The following NECAB3 variants were observed in gnomAD, a reference collection of about 807,000 sequenced individuals.
The protein encoded by NECAB3 is N-terminal EF-hand calcium binding protein 3.
A neutral mutation model predicts 57.2 loss-of-function variants in NECAB3; 38 were observed. The ratio of observed to expected loss-of-function variants is 0.66; its 90% CI spans 0.51 to 0.87. NECAB3 has a LOEUF of 0.87. Among genes scored for constraint, NECAB3 ranks in the 40% least tolerant of loss-of-function variants. NECAB3 has a pLI of 0.00. For missense variants in NECAB3, 474 were observed against 527.5 expected (o/e 0.90, Z 0.99); for synonymous variants, 223 against 222.6 (o/e 1.00, Z -0.02).
At chr20:33,667,465 C>T in intron 5 of NECAB3, 1 of 1,435,876 alleles carries the variant, frequency 7.0e-7, no homozygotes, top group Non-Finnish European at 9.1e-7. Flanking sequence ...GGCGGAGCTG[C>T]TGTTCGAGAC....
intron 1 of NECAB3, among the ~76,000 whole-genome samples, chr20:33,673,050 TAC>T (rs956352731): frequency 2.0e-5 from 3 of 151,774 alleles, no homozygotes; most frequent in Non-Finnish European, 2.9e-5. Flanking sequence ...GGCGTGTGTG[TAC>T]ACACACACGT....
At chr20:33,667,637 T>C in intron 5 of NECAB3, 1 of 1,606,630 alleles carries the variant, frequency 6.2e-7, no homozygotes, top group Non-Finnish European at 8.5e-7. Flanking sequence ...CGACTGAACG[T>C]GGCAGGCAGC....
At chr20:33,671,712 G>C (rs1419895022) in intron 2 of NECAB3, among the ~76,000 whole-genome samples, 1 of 152,152 alleles carries the variant, frequency 6.6e-6, no homozygotes, top group Non-Finnish European at 1.5e-5. Flanking sequence ...TAGGGCTCCT[G>C]CTTTAGCTTC....
intron 5 of NECAB3, chr20:33,663,578 CCAACGCTGGG>C (rs1409641579): frequency 7.4e-6 from 12 of 1,611,278 alleles, no homozygotes; most frequent in East Asian, 4.5e-5. Context: ...CAGCCGCTGG[CCAACGCTGGG>C]CAACGGATTG....
At position 33,666,363 on chromosome 20, in the gene NECAB3, C is replaced by T. The variant is rs1457464588; in HGVS notation, c.387+3012G>A. On this transcript the variant is annotated intron_variant, in intron 5 of 11. Coordinates refer to ENST00000246190, the MANE Select transcript of NECAB3 (RefSeq NM_031232.4). ...CCAAAATCACTGCCCTTGGCTCTGT[C>T]CAGAAGAGAGGATGGGTCCAGGGAG... 4 of 152,454 alleles carry T rather than the reference C, an allele frequency of 2.6e-5. No individual in the cohort carries two copies. The East Asian group carries it at 7.7e-4, about 29-fold the overall frequency. 9.4% of individuals were successfully genotyped at this position (152,454 alleles called of 1,614,324 possible).
At chr20:33,663,612 CGCTGGGCTGGGCTCCCCG>C (rs975899211) in intron 5 of NECAB3, 4 of 1,610,578 alleles carry the variant, frequency 2.5e-6, no homozygotes, top group Non-Finnish European at 3.4e-6. Flanking sequence ...ACGCGTCCGG[CGCTGGGCTGGGCTCCCCG>C]GCGGCACCCA....
intron 1 of NECAB3, 40 bp downstream of exon 1, chr20:33,674,184 G>T (rs1325470670): frequency 8.0e-7 from 1 of 1,250,844 alleles, no homozygotes. Flanking sequence ...ACAGAGACTC[G>T]GGTAGGGAGA....
At position 33,670,666 on chromosome 20, in the gene NECAB3, G is replaced by A; in HGVS notation, c.263+18C>T. On this transcript the variant is annotated intron_variant, in intron 3 of 11. Coordinates refer to ENST00000246190, the MANE Select transcript of NECAB3 (RefSeq NM_031232.4). Reference sequence around the variant, plus strand: ...CAACCTGGCCTCGCATCTACCCACGGCCCCCTCTCATACTCACTCGGTGAG... The same window carrying A: ...CAACCTGGCCTCGCATCTACCCACGACCCCCTCTCATACTCACTCGGTGAG... The A allele has an allele frequency of 6.3e-7, 1 of 1,576,226 alleles. No homozygotes were observed. The highest frequency in any genetic ancestry group is 8.7e-7 in the Non-Finnish European group (1 of 1,149,768).
At chr20:33,666,063 G>C (rs930476164) in intron 5 of NECAB3, among the ~76,000 whole-genome samples, 6 of 152,164 alleles carry the variant, frequency 3.9e-5, no homozygotes, top group African/African-American at 9.7e-5. Context: ...CAGCCTGGGT[G>C]ACCGAGACTC....
At chr20:33,663,471 C>T (rs1312589732) in intron 5 of NECAB3, 9 of 1,537,168 alleles carry the variant, frequency 5.9e-6, no homozygotes, top group Admixed American at 3.7e-5. Context: ...GCGGAGCGGC[C>T]CCGGGTCGTG....
At chr20:33,658,161 GCT>G in intron 10 of NECAB3, 128 bp from the exon 11 acceptor site, 1 of 817,640 alleles carries the variant, frequency 1.2e-6, no homozygotes, top group Non-Finnish European at 1.9e-6. Flanking sequence ...ACACGGGGAA[GCT>G]GTGTGGGTGG....
At chr20:33,663,396 C>A in intron 5 of NECAB3, 2 of 953,654 alleles carry the variant, frequency 2.1e-6, no homozygotes, top group Non-Finnish European at 3.0e-6. Context: ...CAGCCCTGTG[C>A]ACGAGAGGAT....
chr20:33,668,273 G>T (rs751297749), intron 5 of NECAB3: 1 of 1,545,044 alleles, frequency 6.5e-7, no homozygotes, highest in East Asian at 2.3e-5. Context: ...TGCGTTGGGG[G>T]ACAGCTCTCT....
chr20:33,669,044 C>A, intron 5 of NECAB3: 2 of 305,026 alleles, frequency 6.6e-6, no homozygotes. Context: ...GATGGGCCAG[C>A]AACTAAAGCA....
chr20:33,663,446 G>T (rs2017544748), intron 5 of NECAB3: 3 of 1,419,890 alleles, frequency 2.1e-6, no homozygotes, highest in South Asian at 1.3e-5. Context: ...GGTGGACGAG[G>T]GTCCCAGGAG....
intron 8 of NECAB3, among the ~76,000 whole-genome samples, chr20:33,659,295 C>T (rs1035293779): frequency 6.6e-5 from 10 of 152,228 alleles, no homozygotes; most frequent in South Asian, 2.1e-4. Flanking sequence ...ACCTGGCTTT[C>T]GGAAATGCTG....
intron 5 of NECAB3, chr20:33,666,464 C>G (rs1259258039): frequency 6.6e-6 from 1 of 152,334 alleles, no homozygotes; most frequent in Non-Finnish European, 1.5e-5. Context: ...AAGTTCTTTT[C>G]TGCCTTCTGA....
intron 5 of NECAB3, chr20:33,667,719 C>A: frequency 6.2e-7 from 1 of 1,612,274 alleles, no homozygotes; most frequent in Non-Finnish European, 8.5e-7. Flanking sequence ...CCCTGCCCCG[C>A]AAGGCCATCA....
chr20:33,664,404 G>T (rs2017589754), intron 5 of NECAB3: 1 of 156,410 alleles, frequency 6.4e-6, no homozygotes, highest in African/African-American at 2.4e-5. Context: ...GGAAGCCCTG[G>T]GCCTCTCTCT....
Sources: allele counts gnomAD v4.1 joint callset (sites outside exome capture counted in the v4.1 genomes callset), GRCh38; gene constraint gnomAD v4.1.1; transcripts MANE v1.5; gene names NCBI Gene and HGNC (gene_info 2026-07-23, HGNC 2026-07-21).